The following FRA10AC1 variants were observed in gnomAD, a reference collection of about 807,000 sequenced individuals.
The protein encoded by FRA10AC1 is FRA10A associated CGG repeat 1, also known as protein FRA10AC1.
In FRA10AC1, 43 loss-of-function variants were observed where a neutral mutation model predicts 56.5. The ratio of observed to expected loss-of-function variants is 0.76; its 90% CI spans 0.60 to 0.98. The LOEUF is 0.98. Among genes scored for constraint, FRA10AC1 ranks in the 50% least tolerant of loss-of-function variants. FRA10AC1 has a pLI of 0.00. For synonymous variants in FRA10AC1, 112 were observed against 110.5 expected, an observed-to-expected ratio of 1.01 and a Z score of -0.09; for missense variants, 346 against 351.8, an observed-to-expected ratio of 0.98 and a Z score of 0.13.
intron 7 of FRA10AC1, 176 bp downstream of exon 7, chr10:93,691,832 CT>C: frequency 1.8e-6 from 1 of 561,688 alleles, no homozygotes; most frequent in Admixed American, 4.7e-5. Flanking sequence ...TTCCATAGGC[CT>C]TTTGTAAACT....
chr10:93,682,042 A>G (rs1399954437), intron 10 of FRA10AC1, among the ~76,000 whole-genome samples: 5 of 152,168 alleles, frequency 3.3e-5, no homozygotes, highest in African/African-American at 1.2e-4. Flanking sequence ...TCTACTCTTA[A>G]GAATAAAGGA....
chr10:93,691,549 T>G lies in FRA10AC1; in HGVS notation c.465+460A>C, dbSNP rs575996257. Among the ~76,000 whole-genome samples, 4 of 152,320 alleles carry G rather than the reference T, an allele frequency of 2.6e-5. No individual in the cohort carries two copies. The South Asian group carries it at 8.3e-4, about 32-fold the overall frequency. On this transcript the variant is annotated intron_variant, in intron 7 of 13. Coordinates refer to ENST00000359204, the MANE Select transcript of FRA10AC1 (RefSeq NM_145246.5). Reference sequence around the variant, plus strand: ...TCTGTCATTACTAATTAGCACTGATTGAAATGTTAATTTTACTAGAATAGA... The same window carrying G: ...TCTGTCATTACTAATTAGCACTGATGGAAATGTTAATTTTACTAGAATAGA...
chr10:93,681,549 A>T lies in FRA10AC1; in HGVS notation c.718T>A (p.Cys240Ser), dbSNP rs375390820. The part of the protein sequence containing the change: ...KKRKDKTKKD[C>S]EESSHKKSRL... Reference sequence around the variant, plus strand: ...GATTTTTTATGTGATGACTCTTCACAGTCTTTTTTGGTTTTATCTTTTCTT... The same window carrying T: ...GATTTTTTATGTGATGACTCTTCACTGTCTTTTTTGGTTTTATCTTTTCTT... Residue 240 changes from cysteine (C) to serine (S), a missense_variant, in exon 11 of 14, where the codon TGT becomes AGT. By Grantham distance (112) the Cys-to-Ser change is moderately radical. Coordinates refer to ENST00000359204, the MANE Select transcript of FRA10AC1 (RefSeq NM_145246.5). 1.9e-6 allele frequency: 3 copies of T among 1,575,796 alleles called. No homozygotes were observed. Among genetic ancestry groups the T allele is most frequent in the Admixed American group, 3.9e-5 (2 of 51,720 alleles).
intron 1 of FRA10AC1, 39 bp from the exon 2 acceptor site, chr10:93,700,145 T>C: frequency 8.9e-7 from 1 of 1,118,944 alleles, no homozygotes; most frequent in Non-Finnish European, 1.3e-6. Flanking sequence ...AGAATCTATG[T>C]TGCCAATTGT....
intron 10 of FRA10AC1, among the ~76,000 whole-genome samples, chr10:93,683,666 A>T (rs2058973973): frequency 6.6e-6 from 1 of 152,164 alleles, no homozygotes; most frequent in African/African-American, 2.4e-5. Context: ...TTTAACATTT[A>T]AAATGAGTAT....
At chr10:93,684,497 CT>C (rs56873831) in intron 9 of FRA10AC1, among the ~76,000 whole-genome samples, 48,153 of 129,848 alleles carry the variant, frequency 0.37, 8,089 homozygotes, top group Non-Finnish European at 0.47. Flanking sequence ...ATTGTGGTCT[CT>C]TTTTTTTTTT....
Position 93,692,604 on chromosome 10 carries a change from G to C in FRA10AC1, c.380+42C>G, listed in dbSNP as rs746133904. ...ACCACTCAGAAAACAGGAGAAACAG[G>C]ACTAAAGCATTTGATGCATTACGCC... On this transcript the variant is annotated intron_variant, in intron 6 of 13. Transcript: ENST00000359204. 5 of 1,249,858 alleles carry C rather than the reference G, an allele frequency of 4.0e-6. No homozygotes were observed. The South Asian group carries it at 6.3e-5, about 16-fold the overall frequency. 77.4% of individuals were successfully genotyped at this position (1,249,858 alleles called of 1,614,324 possible). A position where few individuals can be genotyped will look rare whatever the true frequency, so the allele number is the denominator to read the frequency against.
In FRA10AC1 at chr10:93,672,061, A is replaced by G. The variant is rs988600411; in HGVS notation, c.827-1213T>C. 1.1e-5 allele frequency: 5 copies of G among 451,554 alleles called. No individual in the cohort carries two copies. The Admixed American group carries it at 1.2e-4, about 11-fold the overall frequency. 28.0% of individuals were successfully genotyped at this position (451,554 alleles called of 1,614,324 possible). A position where few individuals can be genotyped will look rare whatever the true frequency, so the allele number is the denominator to read the frequency against. The stretch of plus-strand genomic sequence containing the variant: ...ACTCACAAAGTAGTTACATTAGCAG[A>G]CAACTCCTCTCCAATAATGATTATT... On this transcript the variant is annotated intron_variant, in intron 12 of 13. Coordinates refer to ENST00000359204, the MANE Select transcript of FRA10AC1 (RefSeq NM_145246.5).
rs780614089 is a variant in FRA10AC1, at chr10:93,700,085, C to G, written c.22G>C (p.Asp8His). The change falls in exon 2 of 14, where the codon GAT becomes CAT. Residue 8 changes from aspartate to histidine, a missense_variant. Asp to His is a moderately conservative substitution (Grantham distance 81, BLOSUM62 -1). Coordinates refer to ENST00000359204, the MANE Select transcript of FRA10AC1 (RefSeq NM_145246.5). MHGHGGYDSDFSDDERCG... is the reference protein window; with the variant it reads MHGHGGYHSDFSDDERCG... ...CGTTCATCATCACTAAAATCAGAAT[C>G]ATAGCCTCCATGACCATGCATCTGT... is the stretch of plus-strand genomic sequence containing the variant. 29 of 1,600,450 alleles carry G rather than the reference C, an allele frequency of 1.8e-5. No homozygotes were observed. Among genetic ancestry groups the G allele is most frequent in the Non-Finnish European group, 2.5e-5 (29 of 1,169,280 alleles).
intron 2 of FRA10AC1, among the ~76,000 whole-genome samples, chr10:93,698,684 A>C (rs2059277083): frequency 6.6e-6 from 1 of 152,160 alleles, no homozygotes; most frequent in African/African-American, 2.4e-5. Flanking sequence ...TACTACCTTA[A>C]TCTTAATAAG....
At chr10:93,692,512 C>A in intron 6 of FRA10AC1, 134 bp downstream of exon 6, 1 of 610,380 alleles carries the variant, frequency 1.6e-6, no homozygotes, top group South Asian at 2.2e-5. Flanking sequence ...CCAAATAATC[C>A]TAGGCTTGAT....
chr10:93,690,492 C>T (rs2059107262), intron 7 of FRA10AC1, among the ~76,000 whole-genome samples: 1 of 152,056 alleles, frequency 6.6e-6, no homozygotes, highest in Non-Finnish European at 1.5e-5. Context: ...ACTAGACTAG[C>T]TTTTTCTGAA....
chr10:93,692,122 C>A (rs1400033241), intron 6 of FRA10AC1, 29 bp from the exon 7 acceptor site: 2 of 1,409,218 alleles, frequency 1.4e-6, no homozygotes, highest in Non-Finnish European at 1.9e-6. Context: ...AAATATTATA[C>A]ATTTAGAAAC....
In FRA10AC1 at chr10:93,694,910, C is replaced by A; in HGVS notation, c.247G>T (p.Asp83Tyr). ...AYQRHTKFVN[D>Y]YILYYGGKKE... ...TTGCCACCATAGTATAAAATATAGT[C>A]ATTTACGAACTTTGTATGTCTTTGA... Residue 83 changes from aspartate to tyrosine, a missense_variant, in exon 5 of 14, where the codon GAC becomes TAC. Coordinates refer to ENST00000359204, the MANE Select transcript of FRA10AC1 (RefSeq NM_145246.5). The A allele has an allele frequency of 6.3e-7, 1 of 1,576,018 alleles. No homozygotes were observed. The highest frequency in any genetic ancestry group is 8.7e-7 in the Non-Finnish European group (1 of 1,145,724).
Sources: gnomAD v4.1 joint callset for allele counts (sites outside exome capture counted in the v4.1 genomes callset) on GRCh38, gnomAD v4.1.1 for gene constraint, MANE v1.5 for transcripts, NCBI Gene and HGNC (gene_info 2026-07-23, HGNC 2026-07-21) for gene names.